GFPT2: variants seen among roughly 807,000 people sequenced by gnomAD.
The protein encoded by GFPT2 is glutamine--fructose-6-phosphate transaminase 2, also known as glutamine--fructose-6-phosphate aminotransferase [isomerizing] 2.
In GFPT2, 62 loss-of-function variants were observed where a neutral mutation model predicts 85.6. The observed-to-expected ratio is 0.72, with a 90% confidence interval of 0.59 to 0.90. The LOEUF is 0.90. Among genes scored for constraint, GFPT2 ranks in the 40% least tolerant of loss-of-function variants. The pLI, the probability that GFPT2 is intolerant of heterozygous loss-of-function variation, is 0.00. For missense variants in GFPT2, 788 were observed against 893.4 expected, an observed-to-expected ratio of 0.88 and a Z score of 1.50; for synonymous variants, 368 against 344.5, an observed-to-expected ratio of 1.07 and a Z score of -0.75.
Position 180,324,844 on chromosome 5 carries a change from T to C in GFPT2, c.648A>G (p.Thr216=). Reference sequence around the variant, plus strand: ...TCCTGTATAAGATAGGGATCTGTTCTGTGGAGAGCTTGTATTTGCTCCGGA... The same window carrying C: ...TCCTGTATAAGATAGGGATCTGTTCCGTGGAGAGCTTGTATTTGCTCCGGA... ...IGVRSKYKLS[T]EQIPILYRTC... Residue 216 remains threonine, a synonymous_variant, in exon 8 of 19, where the codon ACA becomes ACG. Transcript: ENST00000253778. The C allele has an allele frequency of 6.2e-7, 1 of 1,610,892 alleles. No homozygotes were observed. Among genetic ancestry groups the C allele is most frequent in the Non-Finnish European group, 8.5e-7 (1 of 1,177,042 alleles).
chr5:180,328,863 T>A lies in GFPT2; in HGVS notation c.535-525A>T, dbSNP rs750251293. The stretch of plus-strand genomic sequence containing the variant: ...CCACCTGGCGGGGCTTCCGTGACGA[T>A]GATAAGCTAATGCACTGAGCCTGGC... On this transcript the variant is annotated intron_variant, in intron 6 of 18. Coordinates refer to ENST00000253778, the MANE Select transcript of GFPT2 (RefSeq NM_005110.4). This position sits in a 1 kb window ranked among gnomAD's most constrained non-coding sequence, Gnocchi z 5.4. Among the ~76,000 whole-genome samples the A allele has an allele frequency of 5.3e-5, 8 of 152,210 alleles. No individual in the cohort carries two copies. Among genetic ancestry groups the A allele is most frequent in the Non-Finnish European group, 1.0e-4 (7 of 68,042 alleles).
intron 18 of GFPT2, 135 bp from the exon 19 acceptor site, chr5:180,301,743 T>C (rs1763677328): frequency 1.4e-6 from 1 of 718,474 alleles, no homozygotes; most frequent in African/African-American, 1.7e-5. Flanking sequence ...ACCTGCGTCT[T>C]GGAGGCAGAT....
intron 9 of GFPT2, 100 bp downstream of exon 9, chr5:180,324,088 C>G (rs754998374): frequency 4.0e-6 from 3 of 757,510 alleles, no homozygotes; most frequent in Non-Finnish European, 6.9e-6. Context: ...TGCTGAGCCA[C>G]GATAGCTCAC....
intron 18 of GFPT2, 36 bp downstream of exon 18, chr5:180,302,387 C>T: frequency 1.3e-6 from 2 of 1,555,342 alleles, no homozygotes; most frequent in Non-Finnish European, 1.8e-6. Context: ...GGTTATGTCT[C>T]TCCTCTCTGC....
At chr5:180,340,660 C>G (rs1178952380) in intron 1 of GFPT2, among the ~76,000 whole-genome samples, 1 of 151,642 alleles carries the variant, frequency 6.6e-6, no homozygotes, top group Non-Finnish European at 1.5e-5. Context: ...TACAGGTGCC[C>G]GACACCATGC....
chr5:180,331,047 C>A (rs1004655616), intron 5 of GFPT2: 8 of 568,658 alleles, frequency 1.4e-5, no homozygotes, highest in Admixed American at 6.8e-5. Context: ...CAGAAGCTCA[C>A]CCTTGCCACT....
rs1189808798 is a variant in GFPT2, at chr5:180,316,869, G to A, written c.1055-8C>T. 1 of 1,607,744 alleles carries A rather than the reference G, an allele frequency of 6.2e-7. No individual in the cohort carries two copies. Among genetic ancestry groups the A allele is most frequent in the Admixed American group, 1.7e-5 (1 of 59,972 alleles). ...TCAAGCCACCCAGGAGCACTGCAGG[G>A]CACACGACAAGGCGTTAATGCTGAG... On this transcript the variant is annotated splice_polypyrimidine_tract_variant and splice_region_variant and intron_variant, in intron 11 of 18. Coordinates refer to ENST00000253778, the MANE Select transcript of GFPT2 (RefSeq NM_005110.4).
chr5:180,336,499 G>A lies in GFPT2; in HGVS notation c.194C>T (p.Ala65Val). ...QLVKKRGKVK[A>V]LDEELYKQDS... ...CTTACTGTAAAGTTCTTCATCGAGA[G>A]CCTTGACTTTCCCCCTTTTCTTGAC... The change falls in exon 3 of 19, where the codon GCT becomes GTT. Residue 65 changes from alanine to valine, a missense_variant. Physicochemically the swap from Ala to Val is moderately conservative, Grantham distance 64 (BLOSUM62 0). Coordinates refer to ENST00000253778, the MANE Select transcript of GFPT2 (RefSeq NM_005110.4). 1 of 1,602,312 alleles carries A rather than the reference G, an allele frequency of 6.2e-7. No homozygotes were observed. Among genetic ancestry groups the A allele is most frequent in the Non-Finnish European group, 8.6e-7 (1 of 1,169,124 alleles).
chr5:180,315,229 G>C (rs1030042654), intron 13 of GFPT2, among the ~76,000 whole-genome samples: 1 of 151,474 alleles, frequency 6.6e-6, no homozygotes, highest in Non-Finnish European at 1.5e-5. Context: ...CCAGGCTGGA[G>C]TGCAGTGGCG....
chr5:180,313,779 T>C (rs1230938436), intron 14 of GFPT2, 28 bp downstream of exon 14: 1 of 1,530,072 alleles, frequency 6.5e-7, no homozygotes, highest in Admixed American at 2.0e-5. Context: ...AGGCTCTCCC[T>C]GGGACGGGCG....
At position 180,323,788 on chromosome 5, in the gene GFPT2, C is replaced by A. The variant is rs568546880; in HGVS notation, c.794+400G>T. Among the ~76,000 whole-genome samples the A allele has an allele frequency of 5.3e-5, 8 of 152,302 alleles. No homozygotes were observed. Among genetic ancestry groups the A allele is most frequent in the Non-Finnish European group, 1.2e-4 (8 of 68,028 alleles). ...CAGTTGTCTCATCTAAAGGGGGCAG[C>A]CTTTGAGCAGATCCAGACACCTGCC... On this transcript the variant is annotated intron_variant, in intron 9 of 18. Transcript: ENST00000253778. This position sits in a 1 kb window ranked among gnomAD's most constrained non-coding sequence, Gnocchi z 4.0.
chr5:180,317,774 A>G lies in GFPT2; in HGVS notation c.959-716T>C, dbSNP rs1196912999. 3.3e-5 allele frequency among the ~76,000 whole-genome samples: 5 copies of G among 151,764 alleles called. No homozygotes were observed. The South Asian group carries it at 8.4e-4, about 25-fold the overall frequency. On this transcript the variant is annotated intron_variant, in intron 10 of 18. Coordinates refer to ENST00000253778, the MANE Select transcript of GFPT2 (RefSeq NM_005110.4). ...ACTCCGTCTCAAAAAAAAAAAAAAAAAAACCTTTCCAGCCACACAGGCATT... is the reference window on the plus strand; with the variant it reads ...ACTCCGTCTCAAAAAAAAAAAAAAAGAAACCTTTCCAGCCACACAGGCATT...
At chr5:180,335,743 G>C in intron 4 of GFPT2, 85 bp downstream of exon 4, 1 of 1,375,412 alleles carries the variant, frequency 7.3e-7, no homozygotes, top group Non-Finnish European at 1.0e-6. Flanking sequence ...TTAGAGGTGG[G>C]CGCGGAACCT....
intron 1 of GFPT2, among the ~76,000 whole-genome samples, chr5:180,348,781 C>T (rs1168144632): frequency 6.8e-5 from 10 of 146,718 alleles, no homozygotes; most frequent in African/African-American, 1.3e-4. Context: ...CTTGCTCTGT[C>T]GCCAGGCTGG....
At position 180,324,187 on chromosome 5, in the gene GFPT2, C is replaced by T; in HGVS notation, c.794+1G>A. 6.5e-7 allele frequency: 1 copy of T among 1,548,562 alleles called. No individual in the cohort carries two copies. The highest frequency in any genetic ancestry group is 8.9e-7 in the Non-Finnish European group (1 of 1,121,372). On this transcript the variant is annotated splice_donor_variant, in intron 9 of 18. Transcript: ENST00000253778. LOFTEE classifies it high-confidence loss of function. ...AAGCGAAGAGAAGAAGGCTCAGTTA[C>T]CTTGCATCAGAAGCAAAGAAGAATT... is the stretch of plus-strand genomic sequence containing the variant.
intron 1 of GFPT2, chr5:180,352,870 C>T (rs1043756544): frequency 4.0e-5 from 17 of 422,584 alleles, no homozygotes; most frequent in African/African-American, 3.2e-4. Context: ...AGAGCGACCT[C>T]GGTCGGCATG....
rs1763950930 is a variant in GFPT2, at chr5:180,313,898, A to G, written c.1340T>C (p.Val447Ala). The G allele has an allele frequency of 6.2e-7, 1 of 1,606,894 alleles. No individual in the cohort carries two copies. Reference sequence around the variant, plus strand: ...GATGGAGCTGCCCACGGTGTTGGTGACGCCCACGGTGAGAGCGCCGCGGTC... The same window carrying G: ...GATGGAGCTGCCCACGGTGTTGGTGGCGCCCACGGTGAGAGCGCCGCGGTC... ...CKDRGALTVG[V>A]TNTVGSSISR... Residue 447 changes from valine (V) to alanine (A), a missense_variant, in exon 14 of 19, where the codon GTC (valine) becomes GCC (alanine). Val to Ala is a moderately conservative substitution (Grantham distance 64). Coordinates refer to ENST00000253778, the MANE Select transcript of GFPT2 (RefSeq NM_005110.4).
intron 1 of GFPT2, among the ~76,000 whole-genome samples, chr5:180,351,544 C>T (rs1455592647): frequency 6.6e-6 from 1 of 152,154 alleles, no homozygotes; most frequent in East Asian, 1.9e-4. Flanking sequence ...ACTCCTGAGC[C>T]CTGGGTGTCC....
intron 1 of GFPT2, among the ~76,000 whole-genome samples, chr5:180,341,833 G>A (rs1168317686): frequency 6.6e-6 from 1 of 152,196 alleles, no homozygotes; most frequent in Non-Finnish European, 1.5e-5. Flanking sequence ...AGTATTTATG[G>A]TTCCAGAGGC....
Sources: gnomAD v4.1 joint callset for allele counts (sites outside exome capture counted in the v4.1 genomes callset) on GRCh38, gnomAD v4.1.1 for gene constraint, Gnocchi (gnomAD v3.1) non-coding constraint, MANE v1.5 for transcripts, NCBI Gene and HGNC (gene_info 2026-07-23, HGNC 2026-07-21) for gene names.